ZBTB44: variants seen among roughly 807,000 people sequenced by gnomAD.
ZBTB44 encodes zinc finger and BTB domain-containing protein 44.
ZBTB44 carries 15 observed loss-of-function variants against 54.0 expected under a neutral mutation model. The observed-to-expected ratio is 0.28, with a 90% CI of 0.19 to 0.43. ZBTB44 has a LOEUF of 0.43. Among genes scored for constraint, ZBTB44 ranks in the 20% least tolerant of loss-of-function variants. The probability of loss-of-function intolerance (pLI) is 1.00; values close to 1 mark genes in which losing one functional copy is unlikely to be tolerated. For missense variants in ZBTB44, 487 were observed against 707.1 expected, an observed-to-expected ratio of 0.69 and a Z score of 3.53; for synonymous variants, 230 against 250.1, an observed-to-expected ratio of 0.92 and a Z score of 0.76.
chr11:130,304,196 T>C (rs1025636036), intron 1 of ZBTB44, among the ~76,000 whole-genome samples: 1 of 152,174 alleles, frequency 6.6e-6, no homozygotes, highest in Non-Finnish European at 1.5e-5. Context: ...CTAATGTAAC[T>C]TTTAGCTTAA....
intron 4 of ZBTB44, 46 bp downstream of exon 4, chr11:130,238,398 T>C (rs1387324542): frequency 2.7e-6 from 4 of 1,472,832 alleles, no homozygotes; most frequent in Non-Finnish European, 3.6e-6. Context: ...CAAAATAAAA[T>C]GTTTTAGAGC....
At chr11:130,232,459 C>G (rs1212836302) in intron 7 of ZBTB44, 1 of 152,060 alleles carries the variant, frequency 6.6e-6, no homozygotes, top group African/African-American at 2.4e-5. Flanking sequence ...CAACTACAGA[C>G]CAGAAAGTTT....
intron 2 of ZBTB44, among the ~76,000 whole-genome samples, chr11:130,256,156 G>C (rs951411851): frequency 6.6e-6 from 1 of 152,030 alleles, no homozygotes; most frequent in Non-Finnish European, 1.5e-5. Flanking sequence ...AAAATACCAG[G>C]CCAATATACC....
intron 1 of ZBTB44, among the ~76,000 whole-genome samples, chr11:130,289,770 C>T (rs1041425152): frequency 6.6e-6 from 1 of 152,132 alleles, no homozygotes; most frequent in African/African-American, 2.4e-5. Flanking sequence ...ATTTAACCAA[C>T]TCTGAGGCTG....
At chr11:130,285,745 G>T in intron 1 of ZBTB44, 1 of 230,748 alleles carries the variant, frequency 4.3e-6, no homozygotes, top group Non-Finnish European at 9.0e-6. Context: ...AGTAGTATTT[G>T]TTCCCAAACC....
intron 2 of ZBTB44, among the ~76,000 whole-genome samples, chr11:130,258,076 T>C (rs913283622): frequency 3.3e-5 from 5 of 152,208 alleles, no homozygotes; most frequent in Non-Finnish European, 7.3e-5. Flanking sequence ...CTACATTTAA[T>C]AGATGCTAAA....
chr11:130,311,168 T>A (rs897074101), intron 1 of ZBTB44, among the ~76,000 whole-genome samples: 19 of 152,186 alleles, frequency 1.2e-4, no homozygotes, highest in Admixed American at 1.2e-3. Context: ...CACTATAATT[T>A]TAAAATGATT....
chr11:130,288,265 T>C (rs1941090340), intron 1 of ZBTB44, among the ~76,000 whole-genome samples: 1 of 151,754 alleles, frequency 6.6e-6, no homozygotes, highest in African/African-American at 2.4e-5. Flanking sequence ...TCCCAGCTAC[T>C]TGGGAGGCTG....
chr11:130,292,621 T>C (rs1008234682), intron 1 of ZBTB44, among the ~76,000 whole-genome samples: 4 of 152,232 alleles, frequency 2.6e-5, no homozygotes, highest in African/African-American at 9.6e-5. Flanking sequence ...TTCTTTTATG[T>C]TCAATCACAT....
At position 130,228,825 on chromosome 11, in the gene ZBTB44, G is replaced by GTA. The variant is rs755718042; in HGVS notation, c.*2937_*2938dup. On this transcript the variant is annotated 3_prime_UTR_variant, in exon 8 of 8. Transcript: ENST00000357899. ...CCACCACTAGGCACCAATTTTATCA[G>GTA]TATATCGCCACAACCGTGCCTGGGA... 1 of 152,152 alleles carries GTA rather than the reference G, an allele frequency of 6.6e-6. No homozygotes were observed. The highest frequency in any genetic ancestry group is 1.5e-5 in the Non-Finnish European group (1 of 68,034). 9.4% of individuals were successfully genotyped at this position (152,152 alleles called of 1,614,324 possible).
At chr11:130,281,601 T>G (rs919121856) in intron 1 of ZBTB44, among the ~76,000 whole-genome samples, 3 of 148,602 alleles carry the variant, frequency 2.0e-5, no homozygotes, top group East Asian at 2.0e-4. Flanking sequence ...TGTTGTTTTT[T>G]GGGGGGGGGA....
intron 2 of ZBTB44, among the ~76,000 whole-genome samples, chr11:130,260,145 G>A (rs763016813): frequency 1.3e-4 from 20 of 152,138 alleles, no homozygotes; most frequent in East Asian, 3.9e-4. Flanking sequence ...TACAGCCTGC[G>A]CTCAACCACT....
At chr11:130,299,361 A>G (rs961673837) in intron 1 of ZBTB44, among the ~76,000 whole-genome samples, 1 of 152,122 alleles carries the variant, frequency 6.6e-6, no homozygotes, top group African/African-American at 2.4e-5. Flanking sequence ...CTGGTCAAAT[A>G]AGGAATCAAC....
intron 6 of ZBTB44, chr11:130,233,904 T>TTTG (rs1257171014): frequency 1.8e-6 from 2 of 1,099,076 alleles, no homozygotes; most frequent in African/African-American, 1.7e-5. Flanking sequence ...CCCGGCTTTT[T>TTTG]TTGTTTAAAA....
At chr11:130,234,365 T>A in intron 5 of ZBTB44, 92 bp from the exon 6 acceptor site, 2 of 1,276,694 alleles carry the variant, frequency 1.6e-6, no homozygotes, top group Non-Finnish European at 2.1e-6. Flanking sequence ...TACAACAAAA[T>A]TGGGACTCTT....
chr11:130,283,400 T>C (rs951190916), intron 1 of ZBTB44, among the ~76,000 whole-genome samples: 1 of 152,118 alleles, frequency 6.6e-6, no homozygotes. Flanking sequence ...AATCACACTG[T>C]TGTGCAACCA....
chr11:130,260,416 C>A (rs928089432), intron 2 of ZBTB44, among the ~76,000 whole-genome samples: 7 of 152,220 alleles, frequency 4.6e-5, no homozygotes, highest in African/African-American at 1.7e-4. Flanking sequence ...TTTGTTCACA[C>A]CTCCAGATGA....
At chr11:130,298,460 T>G (rs60000971) in intron 1 of ZBTB44, among the ~76,000 whole-genome samples, 7 of 139,616 alleles carry the variant, frequency 5.0e-5, no homozygotes, top group African/African-American at 2.0e-4. Flanking sequence ...TTGAAGTTTT[T>G]TTTTTTTTTT....
Position 130,239,674 on chromosome 11 carries a change from T to C in ZBTB44, c.1103+138A>G. On this transcript the variant is annotated intron_variant, in intron 3 of 7. Coordinates refer to ENST00000357899, the MANE Select transcript of ZBTB44 (RefSeq NM_001301098.2). ...ATAGGTACTCTAATTTATAATGTGA[T>C]GATGCTACTTCATTACTTTGAAAAG... 3.1e-6 allele frequency: 2 copies of C among 643,498 alleles called. 1 individual carries two copies. The highest frequency in any genetic ancestry group is 4.0e-5 in the South Asian group (2 of 49,454). The allele number at this position is 643,498 out of a possible 1,614,324, so 39.9% of individuals were successfully genotyped here. A position where few individuals can be genotyped will look rare whatever the true frequency, so the allele number is the denominator to read the frequency against.
Sources: gnomAD v4.1 joint callset for allele counts (sites outside exome capture counted in the v4.1 genomes callset) on GRCh38, gnomAD v4.1.1 for gene constraint, MANE v1.5 for transcripts, NCBI Gene and HGNC (gene_info 2026-07-23, HGNC 2026-07-21) for gene names.